Variants in PRKCH observed in about 807,000 individuals in gnomAD.
PRKCH encodes the protein protein kinase C eta.
A neutral mutation model predicts 82.5 loss-of-function variants in PRKCH; 28 were observed. The ratio of observed to expected loss-of-function variants is 0.34; its 90% CI spans 0.25 to 0.47. The LOEUF (loss-of-function observed/expected upper bound fraction) is 0.47, where lower values mean the gene tolerates loss of function less well. PRKCH is among the 20% of genes least tolerant of loss of function. PRKCH has a pLI of 1.00. For missense variants in PRKCH, 705 were observed against 881.8 expected (o/e 0.80, Z 2.54); for synonymous variants, 322 against 327.4 (o/e 0.98, Z 0.18).
In PRKCH at chr14:61,305,347, C is replaced by CTT. The variant is rs551126391; in HGVS notation, c.-19+117692_-19+117693dup. On this transcript the variant is annotated intron_variant, in intron 1 of 3. Transcript: ENST00000555185. Reference sequence around the variant, plus strand: ...TATAGACATGTGCCACCATGCCCAGCTTTTTTTTTTTTTTGGTAGAGATGG... The same window carrying CTT: ...TATAGACATGTGCCACCATGCCCAGCTTTTTTTTTTTTTTTTGGTAGAGATGG... 24 of 141,434 alleles carry CTT rather than the reference C, an allele frequency of 1.7e-4. No homozygotes were observed. In the South Asian group the frequency reaches 2.5e-3, roughly 15 times the overall value. The allele number at this position is 141,434 out of a possible 1,614,324, so 8.8% of individuals were successfully genotyped here.
intron 2 of PRKCH, among the ~76,000 whole-genome samples, chr14:61,438,094 A>G (rs879009315): frequency 3.4e-4 from 52 of 152,060 alleles, no homozygotes; most frequent in Admixed American, 3.4e-3. Context: ...CATATCCTTT[A>G]TGTTCTATAG....
At chr14:61,508,503 C>G (rs981784681) in intron 10 of PRKCH, among the ~76,000 whole-genome samples, 4 of 152,124 alleles carry the variant, frequency 2.6e-5, no homozygotes, top group African/African-American at 9.7e-5. Flanking sequence ...AAGACAGAGT[C>G]CTGATAGTTG....
intron 9 of PRKCH, among the ~76,000 whole-genome samples, chr14:61,462,398 AAAG>A (rs1377060066): frequency 6.6e-6 from 1 of 152,356 alleles, no homozygotes; most frequent in Non-Finnish European, 1.5e-5. Context: ...TCAAAAAAGA[AAAG>A]AAAAAAAAGC....
intron 1 of PRKCH, among the ~76,000 whole-genome samples, chr14:61,328,698 G>A (rs749602627): frequency 1.3e-5 from 2 of 152,048 alleles, no homozygotes; most frequent in South Asian, 2.1e-4. Context: ...ATTTAATAAA[G>A]CAACTGGGGC....
chr14:61,489,754 T>C lies in PRKCH; in HGVS notation c.1433+4098T>C, dbSNP rs546978123. ...ACAGTGCTCATGAATAATTTACTCA[T>C]GGTGTTGACTTTTTTCCGGAGTCAA... On this transcript the variant is annotated intron_variant, in intron 10 of 13. Transcript: ENST00000332981. Among the ~76,000 whole-genome samples, 3 of 152,328 alleles carry C rather than the reference T, an allele frequency of 2.0e-5. No homozygotes were observed. In the South Asian group the frequency reaches 6.2e-4, roughly 32 times the overall value.
chr14:61,319,019 C>A (rs758954658), upstream of PRKCH, among the ~76,000 whole-genome samples: 17 of 152,144 alleles, frequency 1.1e-4, no homozygotes, highest in Non-Finnish European at 2.5e-4. Context: ...AAACACAAAT[C>A]CTCATCTTAC....
chr14:61,344,167 C>T (rs1445735639), intron 1 of PRKCH: 1 of 152,168 alleles, frequency 6.6e-6, no homozygotes, highest in Non-Finnish European at 1.5e-5. Flanking sequence ...GTTCCCTTAG[C>T]TCTGAGAATT....
chr14:61,310,187 A>G (rs534822677), intron 1 of PRKCH, among the ~76,000 whole-genome samples: 25 of 152,268 alleles, frequency 1.6e-4, no homozygotes, highest in Admixed American at 1.3e-3. Context: ...AAAACCAATC[A>G]TGCCTTCCCA....
At position 61,308,878 on chromosome 14, in the gene PRKCH, G is replaced by A. The variant is rs570374481; in HGVS notation, c.-19+121210G>A. The stretch of plus-strand genomic sequence containing the variant: ...TCCTGGCCTCAAGCAATCCTCCAGC[G>A]TCAGCCTCCCACAATGCTGGGATTA... On this transcript the variant is annotated intron_variant, in intron 1 of 3. Coordinates refer to the PRKCH transcript ENST00000555185. Among the ~76,000 whole-genome samples the A allele has an allele frequency of 7.6e-4, 115 of 151,852 alleles. 1 individual carries two copies. Among genetic ancestry groups the A allele is most frequent in the African/African-American group, 2.6e-3 (109 of 41,240 alleles).
intron 1 of PRKCH, among the ~76,000 whole-genome samples, chr14:61,251,365 C>T (rs1297118589): frequency 6.6e-6 from 1 of 152,292 alleles, no homozygotes; most frequent in South Asian, 2.1e-4. Context: ...ACCCTTCCCA[C>T]CCTCTGATAA....
chr14:61,313,023 G>A (rs1321089611), intron 1 of PRKCH, among the ~76,000 whole-genome samples: 1 of 152,074 alleles, frequency 6.6e-6, no homozygotes, highest in Admixed American at 6.5e-5. Context: ...AGTGTGTAGA[G>A]GTTTTCATAA....
At chr14:61,453,865 G>T (rs558632239) in intron 7 of PRKCH, among the ~76,000 whole-genome samples, 2 of 151,416 alleles carry the variant, frequency 1.3e-5, no homozygotes, top group East Asian at 1.9e-4. Context: ...ACTTTGTTGC[G>T]CAGGCTGGTC....
chr14:61,379,290 G>C (rs1033951281), intron 1 of PRKCH, among the ~76,000 whole-genome samples: 2 of 151,706 alleles, frequency 1.3e-5, no homozygotes, highest in African/African-American at 4.9e-5. Flanking sequence ...TGGAGCTTTC[G>C]TCTCCTTCCC....
At chr14:61,486,138 G>A (rs11851966) in intron 10 of PRKCH, among the ~76,000 whole-genome samples, 2,972 of 152,224 alleles carry the variant, frequency 0.02, 93 homozygotes, top group African/African-American at 0.068. Context: ...GTTTGCTAAG[G>A]ACCTGTCATA....
chr14:61,357,671 T>G lies in PRKCH; in HGVS notation c.364-33554T>G, dbSNP rs778244416. On this transcript the variant is annotated intron_variant, in intron 1 of 13. Transcript: ENST00000332981. ...CTATAGTCCTTATCTTTCTGGAGCTTCTTCTTGTATTTAACCCAACACATC... is the reference window on the plus strand; with the variant it reads ...CTATAGTCCTTATCTTTCTGGAGCTGCTTCTTGTATTTAACCCAACACATC... Among the ~76,000 whole-genome samples, 3 of 152,178 alleles carry G rather than the reference T, an allele frequency of 2.0e-5. No homozygotes were observed. In the South Asian group the frequency reaches 6.2e-4, roughly 32 times the overall value.
chr14:61,470,958 A>G (rs1885475685), intron 9 of PRKCH, among the ~76,000 whole-genome samples: 1 of 152,262 alleles, frequency 6.6e-6, no homozygotes, highest in East Asian at 1.9e-4. Flanking sequence ...CCACCGAGCC[A>G]CAGACTCCAC....
At chr14:61,470,336 A>C (rs1885444148) in intron 9 of PRKCH, among the ~76,000 whole-genome samples, 1 of 64,896 alleles carries the variant, frequency 1.5e-5, no homozygotes, top group Non-Finnish European at 2.6e-5. Context: ...CACTTGCACG[A>C]TCTTTCTCAT....
intron 1 of PRKCH, among the ~76,000 whole-genome samples, chr14:61,282,289 A>G (rs1210974397): frequency 1.4e-5 from 2 of 143,374 alleles, no homozygotes; most frequent in East Asian, 4.0e-4. Flanking sequence ...TTTTTTTTTT[A>G]AATCTAGGTT....
intron 1 of PRKCH, among the ~76,000 whole-genome samples, chr14:61,292,562 G>A (rs1052113126): frequency 1.3e-5 from 2 of 151,944 alleles, no homozygotes; most frequent in Non-Finnish European, 2.9e-5. Flanking sequence ...ATCACCTGAG[G>A]TCAGGAGTTC....
Sources: gnomAD v4.1 joint callset for allele counts (sites outside exome capture counted in the v4.1 genomes callset) on GRCh38, gnomAD v4.1.1 for gene constraint, MANE v1.5 for transcripts, NCBI Gene and HGNC (gene_info 2026-07-23, HGNC 2026-07-21) for gene names.